Variants in RYR3 observed in about 807,000 individuals in gnomAD.
RYR3 encodes ryanodine receptor 3, also known as brain ryanodine receptor-calcium release channel.
RYR3 carries 207 observed loss-of-function variants against 584.3 expected under a neutral mutation model. The ratio of observed to expected loss-of-function variants is 0.35; its 90% CI spans 0.32 to 0.40. The LOEUF (loss-of-function observed/expected upper bound fraction) is 0.40. RYR3 is among the 10% of genes least tolerant of loss of function. The pLI is 1.00. For synonymous variants in RYR3, 2,416 were observed against 2,248.5 expected, an observed-to-expected ratio of 1.07 and a Z score of -2.11; for missense variants, 5,616 against 6,089.2, an observed-to-expected ratio of 0.92 and a Z score of 2.59.
intron 10 of RYR3, among the ~76,000 whole-genome samples, chr15:33,552,647 A>AT (rs1344924336): frequency 6.6e-6 from 1 of 152,228 alleles, no homozygotes; most frequent in Non-Finnish European, 1.5e-5. Flanking sequence ...ATGGCAGGCC[A>AT]AGATATGGCT....
chr15:33,736,430 G>A lies in RYR3; in HGVS notation c.7515+105G>A, dbSNP rs930309113. 4.0e-6 allele frequency: 3 copies of A among 745,194 alleles called. No homozygotes were observed. The African/African-American group carries it at 5.3e-5, about 13-fold the overall frequency. The allele number at this position is 745,194 out of a possible 1,614,324, so 46.2% of individuals were successfully genotyped here. ...AGAAGGAAAAATACATGCTAAATGGGTTTTACTCCCTTAAGTTGATGGTTA... is the reference window on the plus strand; with the variant it reads ...AGAAGGAAAAATACATGCTAAATGGATTTTACTCCCTTAAGTTGATGGTTA... On this transcript the variant is annotated intron_variant, in intron 49 of 103. Transcript: ENST00000634891.
chr15:33,380,965 C>G (rs2041142424), intron 1 of RYR3, among the ~76,000 whole-genome samples: 1 of 152,180 alleles, frequency 6.6e-6, no homozygotes, highest in Non-Finnish European at 1.5e-5. Context: ...TGATTTTGGT[C>G]TTAGGATGTA....
intron 1 of RYR3, among the ~76,000 whole-genome samples, chr15:33,342,999 G>A (rs559458136): frequency 4.6e-5 from 7 of 152,164 alleles, no homozygotes; most frequent in Non-Finnish European, 1.0e-4. Context: ...TCTCACTGCA[G>A]TTAATTAAGA....
At chr15:33,396,740 G>A (rs951707748) in intron 1 of RYR3, among the ~76,000 whole-genome samples, 3 of 152,208 alleles carry the variant, frequency 2.0e-5, no homozygotes, top group Non-Finnish European at 4.4e-5. Flanking sequence ...CTGCCACTCA[G>A]CTCCAGCCAG....
rs549899740 is a variant in RYR3, at chr15:33,311,217, C to T, written c.51+121C>T. 4 of 702,328 alleles carry T rather than the reference C, an allele frequency of 5.7e-6. No individual in the cohort carries two copies. Among genetic ancestry groups the T allele is most frequent in the Admixed American group, 8.9e-5 (2 of 22,546 alleles). The allele number at this position is 702,328 out of a possible 1,614,324, so 43.5% of individuals were successfully genotyped here. ...TGCCCGGTGCCGGGCGCTTTCTCCG[C>T]ACCCGCGGGCTGCAGAGGCGGACCG... On this transcript the variant is annotated intron_variant, in intron 1 of 103. Transcript: ENST00000634891. The surrounding 1 kb of genome is among the most constrained non-coding windows in gnomAD (Gnocchi z 4.4).
At chr15:33,414,709 A>T (rs2043660791) in intron 1 of RYR3, among the ~76,000 whole-genome samples, 1 of 152,100 alleles carries the variant, frequency 6.6e-6, no homozygotes, top group Non-Finnish European at 1.5e-5. Context: ...GGTTCACGCC[A>T]TTCCCGCGCC....
At chr15:33,710,818 C>G (rs980741980) in intron 43 of RYR3, among the ~76,000 whole-genome samples, 3 of 152,164 alleles carry the variant, frequency 2.0e-5, no homozygotes, top group Non-Finnish European at 4.4e-5. Context: ...TTAGCTGGGC[C>G]CATTTGAGCC....
At chr15:33,855,011 T>TTGGTATATAATGTACTTTTCTTGGCCA in intron 98 of RYR3, 99 bp downstream of exon 98, 1 of 1,229,308 alleles carries the variant, frequency 8.1e-7, no homozygotes, top group Non-Finnish European at 1.1e-6. Flanking sequence ...GGAATATGTC[T>TTGGTATATAATGTACTTTTCTTGGCCA]TGGTATATAA....
chr15:33,665,109 A>G (rs945983408), intron 36 of RYR3, among the ~76,000 whole-genome samples: 2 of 152,000 alleles, frequency 1.3e-5, no homozygotes, highest in Non-Finnish European at 2.9e-5. Flanking sequence ...TAGACTGGCA[A>G]TAGATCTGCA....
intron 1 of RYR3, among the ~76,000 whole-genome samples, chr15:33,397,644 A>G (rs1409122587): frequency 6.6e-6 from 1 of 152,222 alleles, no homozygotes; most frequent in East Asian, 1.9e-4. Context: ...AATATTGCTT[A>G]TCTGGAGAAC....
chr15:33,515,771 T>G (rs768652700), intron 3 of RYR3, among the ~76,000 whole-genome samples: 17 of 152,238 alleles, frequency 1.1e-4, no homozygotes, highest in Non-Finnish European at 1.9e-4. Flanking sequence ...TACAAAACAT[T>G]CTTCAGTTCT....
chr15:33,371,695 T>C (rs2040344692), intron 1 of RYR3, among the ~76,000 whole-genome samples: 2 of 152,106 alleles, frequency 1.3e-5, no homozygotes, highest in Admixed American at 1.3e-4. Context: ...AGCGGGAGGA[T>C]CATATTCATT....
At chr15:33,861,279 G>C in intron 102 of RYR3, 101 bp downstream of exon 102, 1 of 771,898 alleles carries the variant, frequency 1.3e-6, no homozygotes, top group Non-Finnish European at 2.1e-6. Context: ...TAACCAGAAA[G>C]GAACTTCCAG....
chr15:33,826,229 T>G (rs775165540), intron 82 of RYR3, 23 bp from the exon 83 acceptor site: 83 of 1,612,598 alleles, frequency 5.1e-5, no homozygotes, highest in Non-Finnish European at 6.5e-5. Flanking sequence ...CTTTCTATTC[T>G]TCTGTTTTTC....
chr15:33,820,741 C>A lies in RYR3; in HGVS notation c.10759-15C>A, dbSNP rs1266398094. On this transcript the variant is annotated splice_polypyrimidine_tract_variant and intron_variant, in intron 77 of 103. Transcript: ENST00000634891. ...GATTGTCTGTCTTCTCCCTTCCCTGCTCCATGAAATCCAGAGTTGTCAAAG... is the reference window on the plus strand; with the variant it reads ...GATTGTCTGTCTTCTCCCTTCCCTGATCCATGAAATCCAGAGTTGTCAAAG... The A allele has an allele frequency of 1.2e-6, 2 of 1,601,108 alleles. No individual in the cohort carries two copies. Among genetic ancestry groups the A allele is most frequent in the South Asian group, 2.3e-5 (2 of 87,952 alleles).
chr15:33,753,135 C>T (rs1007449017), intron 57 of RYR3, among the ~76,000 whole-genome samples: 1 of 152,160 alleles, frequency 6.6e-6, no homozygotes, highest in Non-Finnish European at 1.5e-5. Context: ...ATACCTAATT[C>T]AAAAATTACG....
chr15:33,742,372 C>G lies in RYR3; in HGVS notation c.7827C>G (p.Ser2609=), dbSNP rs149242033. The G allele has an allele frequency of 9.9e-4, 1,594 of 1,611,004 alleles. 1 individual carries two copies. The highest frequency in any genetic ancestry group is 3.3e-3 in the Admixed American group (200 of 59,994). The change falls in exon 52 of 104, where the codon TCC becomes TCG. Residue 2609 remains serine (S), a synonymous_variant. Coordinates refer to ENST00000634891, the MANE Select transcript of RYR3 (RefSeq NM_001036.6). ...TTTTTTCCTCATTTCACAGTTTTTC[C>G]TTGCCTGAAAAATTGGAATACATCG... The part of the protein sequence containing the change: ...DPKPINTMNF[S]LPEKLEYIVT...
At chr15:33,701,151 G>C (rs2066273901) in intron 42 of RYR3, 71 bp downstream of exon 42, 2 of 951,242 alleles carry the variant, frequency 2.1e-6, no homozygotes, top group South Asian at 3.0e-5. Flanking sequence ...AGGATAAGCA[G>C]ACCACGGATG....
intron 38 of RYR3, among the ~76,000 whole-genome samples, chr15:33,684,290 G>A (rs1163159296): frequency 6.6e-6 from 1 of 152,192 alleles, no homozygotes; most frequent in African/African-American, 2.4e-5. Flanking sequence ...AGTTTCTAGA[G>A]GAAGGATCAG....
Sources: allele counts gnomAD v4.1 joint callset (sites outside exome capture counted in the v4.1 genomes callset), GRCh38; gene constraint gnomAD v4.1.1; non-coding constraint Gnocchi (gnomAD v3.1); transcripts MANE v1.5; gene names NCBI Gene and HGNC (gene_info 2026-07-23, HGNC 2026-07-21).